LAMC1: variants seen among roughly 807,000 people sequenced by gnomAD.
LAMC1 encodes laminin subunit gamma-1.
In LAMC1, 38 loss-of-function variants were observed where a neutral mutation model predicts 173.6. The ratio of observed to expected loss-of-function variants is 0.22; its 90% CI spans 0.17 to 0.29. LAMC1 has a LOEUF of 0.29. Among genes scored for constraint, LAMC1 ranks in the 10% least tolerant of loss-of-function variants. The probability of loss-of-function intolerance (pLI) is 1.00; values close to 1 mark genes in which losing one functional copy is unlikely to be tolerated. For missense variants in LAMC1, 1,824 were observed against 2,051.8 expected (o/e 0.89, Z 2.14); for synonymous variants, 746 against 749.1 (o/e 1.00, Z 0.07).
intron 1 of LAMC1, among the ~76,000 whole-genome samples, chr1:183,057,044 T>C (rs1654614346): frequency 6.6e-6 from 1 of 151,736 alleles, no homozygotes; most frequent in Admixed American, 6.6e-5. Flanking sequence ...CATAAAAGAG[T>C]CTGCGCTTTC....
intron 11 of LAMC1, among the ~76,000 whole-genome samples, chr1:183,120,167 CAAAAAAAAAAAAA>C (rs55642592): frequency 1.5e-5 from 1 of 64,728 alleles, no homozygotes; most frequent in Admixed American, 2.4e-4. Flanking sequence ...GGATCTATCT[CAAAAAAAAAAAAA>C]AAAAAAAAAA....
At chr1:183,136,331 C>A (rs1439349443) in intron 24 of LAMC1, 55 bp from the exon 25 acceptor site, 9 of 1,483,466 alleles carry the variant, frequency 6.1e-6, no homozygotes, top group Non-Finnish European at 8.5e-6. Flanking sequence ...CCCTGAAAGG[C>A]CCCCTTTTTA....
At chr1:183,030,207 T>G (rs1571397404) in intron 1 of LAMC1, among the ~76,000 whole-genome samples, 1 of 152,174 alleles carries the variant, frequency 6.6e-6, no homozygotes, top group African/African-American at 2.4e-5. Context: ...CAGAGTTGAG[T>G]AATAGCGACA....
intron 1 of LAMC1, among the ~76,000 whole-genome samples, chr1:183,056,986 C>G (rs965066787): frequency 3.9e-5 from 6 of 152,186 alleles, no homozygotes; most frequent in African/African-American, 1.4e-4. Context: ...AATAAACATA[C>G]ATTTACTAAG....
chr1:183,026,794 A>G (rs554252876), intron 1 of LAMC1, among the ~76,000 whole-genome samples: 1 of 152,340 alleles, frequency 6.6e-6, no homozygotes, highest in East Asian at 1.9e-4. Flanking sequence ...CAGTCAAATC[A>G]TACATAAGAA....
intron 1 of LAMC1, among the ~76,000 whole-genome samples, chr1:183,046,031 A>T (rs1174630221): frequency 6.6e-6 from 1 of 151,938 alleles, no homozygotes; most frequent in Admixed American, 6.6e-5. Flanking sequence ...CTTATCTTCC[A>T]GTGTGTCCAG....
At position 183,121,756 on chromosome 1, in the gene LAMC1, G is replaced by A. The variant is rs748285593; in HGVS notation, c.2024G>A (p.Ser675Asn). The part of the protein sequence containing the change: ...AGYLDDVTLA[S>N]ARPGPGVPAT... Reference sequence around the variant, plus strand: ...TATTTGGATGATGTCACCCTGGCAAGTGCTCGTCCTGGGCCTGGAGTCCCT... The same window carrying A: ...TATTTGGATGATGTCACCCTGGCAAATGCTCGTCCTGGGCCTGGAGTCCCT... The change falls in exon 12 of 28, where the codon AGT (serine) becomes AAT (asparagine). Residue 675 changes from serine to asparagine, a missense_variant. Coordinates refer to ENST00000258341, the MANE Select transcript of LAMC1 (RefSeq NM_002293.4). 2 of 1,614,164 alleles carry A rather than the reference G, an allele frequency of 1.2e-6. No individual in the cohort carries two copies. Among genetic ancestry groups the A allele is most frequent in the Non-Finnish European group, 1.7e-6 (2 of 1,180,016 alleles).
intron 1 of LAMC1, among the ~76,000 whole-genome samples, chr1:183,088,108 G>A (rs980311082): frequency 5.9e-5 from 9 of 152,146 alleles, no homozygotes; most frequent in African/African-American, 2.2e-4. Flanking sequence ...CAACCAGAAA[G>A]GTCTATTTTC....
At chr1:183,044,530 A>G (rs1654216859) in intron 1 of LAMC1, among the ~76,000 whole-genome samples, 1 of 152,156 alleles carries the variant, frequency 6.6e-6, no homozygotes, top group Non-Finnish European at 1.5e-5. Flanking sequence ...TTGATGAATC[A>G]GAAGATTCAA....
chr1:183,119,855 T>C (rs1467900463), intron 11 of LAMC1, among the ~76,000 whole-genome samples: 2 of 152,210 alleles, frequency 1.3e-5, no homozygotes, highest in African/African-American at 2.4e-5. Flanking sequence ...CCTTAATCAC[T>C]GCTGAGTTTT....
chr1:183,099,229 C>T (rs1429710920), intron 1 of LAMC1, among the ~76,000 whole-genome samples: 1 of 152,134 alleles, frequency 6.6e-6, no homozygotes, highest in Non-Finnish European at 1.5e-5. Flanking sequence ...GCTGGGATTA[C>T]AGGCGCGTAC....
Position 183,083,263 on chromosome 1 carries a change from CAACTTTA to C in LAMC1, c.419-20055_419-20049del, listed in dbSNP as rs556898716. On this transcript the variant is annotated intron_variant, in intron 1 of 27. Coordinates refer to ENST00000258341, the MANE Select transcript of LAMC1 (RefSeq NM_002293.4). ...TCTATCTGTCTTTAAAGGTAGATCT[CAACTTTA>C]AACTTTAAAGTTGAGTTTTCTTTTG... Among the ~76,000 whole-genome samples the C allele has an allele frequency of 9.3e-4, 141 of 152,192 alleles. 1 individual carries two copies. Among genetic ancestry groups the C allele is most frequent in the African/African-American group, 3.3e-3 (135 of 41,516 alleles).
chr1:183,108,182 A>G (rs1206731981), intron 2 of LAMC1, 94 bp from the exon 3 acceptor site: 4 of 1,179,298 alleles, frequency 3.4e-6, no homozygotes, highest in Non-Finnish European at 5.0e-6. Flanking sequence ...AAGTTAAATG[A>G]TAATAAGTTA....
chr1:183,104,392 G>A (rs1655912994), intron 2 of LAMC1, among the ~76,000 whole-genome samples: 1 of 152,036 alleles, frequency 6.6e-6, no homozygotes. Context: ...ATATGTCCTG[G>A]CTATTTGATT....
intron 26 of LAMC1, 148 bp downstream of exon 26, chr1:183,137,975 T>C (rs1266727619): frequency 7.1e-6 from 5 of 707,930 alleles, no homozygotes; most frequent in Non-Finnish European, 1.0e-5. Flanking sequence ...GTAGCTTACA[T>C]AGAAGACAAA....
intron 25 of LAMC1, among the ~76,000 whole-genome samples, chr1:183,137,432 G>T (rs1656976546): frequency 1.3e-5 from 2 of 152,122 alleles, no homozygotes; most frequent in Non-Finnish European, 2.9e-5. Context: ...GATTAAAGAA[G>T]AGGATACAAA....
chr1:183,114,933 G>A (rs1209487553), intron 5 of LAMC1, among the ~76,000 whole-genome samples: 7 of 152,176 alleles, frequency 4.6e-5, no homozygotes, highest in Admixed American at 2.0e-4. Context: ...TAAGAGGGGG[G>A]TGGTGGCCTG....
intron 18 of LAMC1, among the ~76,000 whole-genome samples, chr1:183,130,036 T>G (rs191511096): frequency 6.6e-6 from 1 of 152,346 alleles, no homozygotes. Context: ...CATTCTCACC[T>G]TCATTAAACA....
At chr1:183,097,574 A>G (rs1259306478) in intron 1 of LAMC1, among the ~76,000 whole-genome samples, 1 of 152,216 alleles carries the variant, frequency 6.6e-6, no homozygotes, top group Non-Finnish European at 1.5e-5. Context: ...ACAGAGGAGC[A>G]TTTATGTTCC....
Sources: gnomAD v4.1 joint callset for allele counts (sites outside exome capture counted in the v4.1 genomes callset) on GRCh38, gnomAD v4.1.1 for gene constraint, MANE v1.5 for transcripts, NCBI Gene and HGNC (gene_info 2026-07-23, HGNC 2026-07-21) for gene names.